Variants in RBFOX1 observed in about 807,000 individuals in gnomAD.
The protein encoded by RBFOX1 is RNA binding protein fox-1 homolog 1.
A neutral mutation model predicts 57.7 loss-of-function variants in RBFOX1; 8 were observed. The observed-to-expected ratio is 0.14, with a 90% confidence interval of 0.08 to 0.25. RBFOX1 has a LOEUF of 0.25. Ranked by LOEUF, RBFOX1 falls within the 10% of genes least tolerant of loss-of-function variation. RBFOX1 has a pLI of 1.00. For synonymous variants in RBFOX1, 326 were observed against 222.4 expected, an observed-to-expected ratio of 1.47 and a Z score of -4.15; for missense variants, 611 against 548.5, an observed-to-expected ratio of 1.11 and a Z score of -1.14.
chr16:6,614,106 A>C (rs982468025), intron 2 of RBFOX1, among the ~76,000 whole-genome samples: 1 of 152,210 alleles, frequency 6.6e-6, no homozygotes, highest in Non-Finnish European at 1.5e-5. Context: ...ACGAATAGGT[A>C]ATATTTTTGG....
At chr16:7,003,722 T>G (rs2093043140) in intron 3 of RBFOX1, among the ~76,000 whole-genome samples, 1 of 152,108 alleles carries the variant, frequency 6.6e-6, no homozygotes, top group Non-Finnish European at 1.5e-5. Flanking sequence ...AACAATGTAA[T>G]TAAGTTAGTA....
chr16:7,363,554 G>A (rs575474819), intron 4 of RBFOX1, among the ~76,000 whole-genome samples: 1 of 152,126 alleles, frequency 6.6e-6, no homozygotes, highest in East Asian at 1.9e-4. Context: ...CAAAGTGCCT[G>A]GCATAAAATG....
At chr16:6,190,878 C>A (rs2097137190) in intron 1 of RBFOX1, among the ~76,000 whole-genome samples, 1 of 152,132 alleles carries the variant, frequency 6.6e-6, no homozygotes, top group Admixed American at 6.6e-5. Context: ...GTACCATATG[C>A]CTCTCCATCT....
intron 3 of RBFOX1, among the ~76,000 whole-genome samples, chr16:6,906,249 A>C (rs1274936408): frequency 7.4e-6 from 1 of 135,882 alleles, no homozygotes; most frequent in Admixed American, 7.0e-5. Flanking sequence ...ACCCCCCCCC[A>C]AAATATACAT....
intron 4 of RBFOX1, among the ~76,000 whole-genome samples, chr16:7,448,516 T>C (rs1358027057): frequency 1.3e-5 from 2 of 152,182 alleles, no homozygotes; most frequent in Non-Finnish European, 2.9e-5. Context: ...TAACTGACTA[T>C]GGTGAGAACA....
chr16:7,512,441 T>C (rs916767088), intron 4 of RBFOX1, among the ~76,000 whole-genome samples: 1 of 152,194 alleles, frequency 6.6e-6, no homozygotes, highest in African/African-American at 2.4e-5. Context: ...TAATTAAATA[T>C]TAGCTGTAAT....
intron 4 of RBFOX1, among the ~76,000 whole-genome samples, chr16:7,244,463 A>T (rs2094206934): frequency 6.6e-6 from 1 of 152,164 alleles, no homozygotes; most frequent in African/African-American, 2.4e-5. Flanking sequence ...AAGTTTGGCC[A>T]TCCTCTTTGC....
At chr16:5,354,306 AT>A (rs2065334692) in intron 1 of RBFOX1, among the ~76,000 whole-genome samples, 1 of 151,710 alleles carries the variant, frequency 6.6e-6, no homozygotes, top group Non-Finnish European at 1.5e-5. Context: ...TTTTTTCTCT[AT>A]TCACTGTCTT....
At chr16:6,230,710 A>G (rs1764063593) in intron 1 of RBFOX1, among the ~76,000 whole-genome samples, 1 of 152,228 alleles carries the variant, frequency 6.6e-6, no homozygotes, top group African/African-American at 2.4e-5. Context: ...TTGAGCAAAT[A>G]TCTTATGCGG....
intron 2 of RBFOX1, among the ~76,000 whole-genome samples, chr16:6,594,680 A>C (rs765220380): frequency 2.1e-4 from 26 of 123,174 alleles, no homozygotes; most frequent in Non-Finnish European, 4.1e-4. Context: ...GGGACCCAGC[A>C]CGCTCATCTT....
At chr16:5,799,108 A>G (rs1054699858) in intron 3 of RBFOX1, among the ~76,000 whole-genome samples, 4 of 152,132 alleles carry the variant, frequency 2.6e-5, no homozygotes, top group African/African-American at 7.2e-5. Context: ...AGGCCTCACA[A>G]TCATGGTGGC....
At chr16:5,633,128 G>A (rs1399642179) in intron 3 of RBFOX1, among the ~76,000 whole-genome samples, 1 of 151,870 alleles carries the variant, frequency 6.6e-6, no homozygotes, top group East Asian at 1.9e-4. Flanking sequence ...TAATAGAGAC[G>A]GAATTTCGCC....
rs140437336 is a variant in RBFOX1 at position 7,396,125 on chromosome 16, T to G, written c.28-122022T>G. ...CAGGGGAGGGGATTGAGGGCTGTTC[T>G]TTTGCCAATAACCAGGGCGGAAGGA... On this transcript the variant is annotated intron_variant, in intron 4 of 15. Coordinates refer to ENST00000550418, the MANE Select transcript of RBFOX1 (RefSeq NM_018723.4). Among the ~76,000 whole-genome samples the G allele has an allele frequency of 3.0e-3, 452 of 152,146 alleles. 2 individuals are homozygous for G. The highest frequency in any genetic ancestry group is 0.01 in the African/African-American group (432 of 41,510).
intron 3 of RBFOX1, among the ~76,000 whole-genome samples, chr16:6,852,213 T>C (rs915519924): frequency 6.6e-6 from 1 of 152,040 alleles, no homozygotes; most frequent in East Asian, 1.9e-4. Flanking sequence ...TTCTCTGGAG[T>C]CTATTCTTCT....
intron 14 of RBFOX1, among the ~76,000 whole-genome samples, chr16:7,677,132 T>TACACAAACACACACAC (rs71394335): frequency 7.3e-6 from 1 of 137,862 alleles, no homozygotes; most frequent in African/African-American, 2.6e-5. Context: ...CACATACACA[T>TACACAAACACACACAC]ACACACACAC....
intron 2 of RBFOX1, among the ~76,000 whole-genome samples, chr16:6,493,960 T>A (rs889819585): frequency 7.2e-5 from 11 of 152,232 alleles, no homozygotes; most frequent in Non-Finnish European, 1.2e-4. Flanking sequence ...TGAGTGATAT[T>A]TTCCTGTATA....
chr16:5,473,328 T>G (rs986019794), intron 2 of RBFOX1, among the ~76,000 whole-genome samples: 2 of 152,216 alleles, frequency 1.3e-5, no homozygotes, highest in Non-Finnish European at 2.9e-5. Flanking sequence ...GACACCTCAT[T>G]ACTCCTGTTA....
chr16:5,903,384 A>G (rs74004697), intron 4 of RBFOX1, among the ~76,000 whole-genome samples: 1 of 152,050 alleles, frequency 6.6e-6, no homozygotes, highest in Non-Finnish European at 1.5e-5. Context: ...GACACTTCCT[A>G]TTACTCAGTA....
intron 1 of RBFOX1, among the ~76,000 whole-genome samples, chr16:5,445,461 T>C (rs1335182633): frequency 6.6e-6 from 1 of 152,152 alleles, no homozygotes; most frequent in African/African-American, 2.4e-5. Context: ...GTGTGCAATA[T>C]ATAGTAGGTG....
Sources: gnomAD v4.1 joint callset for allele counts (sites outside exome capture counted in the v4.1 genomes callset) on GRCh38, gnomAD v4.1.1 for gene constraint, MANE v1.5 for transcripts, NCBI Gene and HGNC (gene_info 2026-07-23, HGNC 2026-07-21) for gene names.